The following PALM3 variants were observed in gnomAD, a reference collection of about 807,000 sequenced individuals.
PALM3 encodes the protein paralemmin 3, also known as paralemmin-3.
PALM3 carries 20 observed loss-of-function variants against 27.9 expected under a neutral mutation model. The ratio of observed to expected loss-of-function variants is 0.72; its 90% CI spans 0.50 to 1.04. PALM3 has a LOEUF of 1.04. PALM3 is among the 50% of genes least tolerant of loss of function. PALM3 has a pLI of 0.00. For synonymous variants in PALM3, 328 were observed against 352.7 expected (o/e 0.93, Z 0.79); for missense variants, 814 against 869.4 (o/e 0.94, Z 0.80).
rs1223957855 is a variant in PALM3, at chr19:14,053,889, TCTC to T, written c.1780_1782del (p.Glu594del). ...TCCTCCTCCAGGGCTCCTACTGGCTTCTCCTGGGGCTGGGGTCCTTCCTTCTCT... is the reference window on the plus strand; with the variant it reads ...TCCTCCTCCAGGGCTCCTACTGGCTTCTGGGGCTGGGGTCCTTCCTTCTCT... On this transcript the variant is annotated inframe_deletion, in exon 7 of 7. Transcript: ENST00000669674. 3.9e-6 allele frequency: 6 copies of T among 1,551,496 alleles called. No homozygotes were observed. Among genetic ancestry groups the T allele is most frequent in the Admixed American group, 3.9e-5 (2 of 50,960 alleles).
At position 14,055,058 on chromosome 19, in the gene PALM3, G is replaced by A. The variant is rs1976276722; in HGVS notation, c.614C>T (p.Pro205Leu). 1.9e-6 allele frequency: 3 copies of A among 1,549,960 alleles called. No homozygotes were observed. Among genetic ancestry groups the A allele is most frequent in the Non-Finnish European group, 2.6e-6 (3 of 1,145,700 alleles). Reference protein sequence around the residue: ...SSEANGPCPSPIPTPEQGLSQ... With the variant: ...SSEANGPCPSLIPTPEQGLSQ... ...TAGCCCCTGCTCTGGAGTGGGGATG[G>A]GGCTGGGGCATGGGCCATTGGCTTC... Residue 205 changes from proline to leucine, a missense_variant, in exon 7 of 7, where the codon CCC becomes CTC. Pro to Leu is a moderately conservative substitution (Grantham distance 98, BLOSUM62 -3). Transcript: ENST00000669674.
rs112043359 is a variant in PALM3, at chr19:14,054,235, C to T, written c.1437G>A (p.Leu479=). Residue 479 remains leucine (L), a synonymous_variant, in exon 7 of 7, where the codon TTG becomes TTA. Coordinates refer to ENST00000669674, the MANE Select transcript of PALM3 (RefSeq NM_001145028.2). The stretch of plus-strand genomic sequence containing the variant: ...CCTCATCTCCTTCCTTCTCTGCCCT[C>T]AAATGTCCCTCAACTTTTCTCTCTA... ...LGIERKVEGH[L]RAEKEGDEEK... The T allele has an allele frequency of 1.7e-5, 27 of 1,552,078 alleles. No individual in the cohort carries two copies. Among genetic ancestry groups the T allele is most frequent in the Middle Eastern group, 1.7e-4 (1 of 5,998 alleles).
At position 14,053,596 on chromosome 19, in the gene PALM3, G is replaced by A. The variant is rs1159399698; in HGVS notation, c.*9C>T. 8 of 1,450,642 alleles carry A rather than the reference G, an allele frequency of 5.5e-6. No homozygotes were observed. Among genetic ancestry groups the A allele is most frequent in the African/African-American group, 1.4e-5 (1 of 69,652 alleles). 89.9% of individuals were successfully genotyped at this position (1,450,642 alleles called of 1,614,324 possible). ...AGAGGAGCTGGACATGGGGTGGAGG[G>A]GCATGGGTTCACATGACCGCACAAC... is the stretch of plus-strand genomic sequence containing the variant. On this transcript the variant is annotated 3_prime_UTR_variant, in exon 7 of 7. Coordinates refer to ENST00000669674, the MANE Select transcript of PALM3 (RefSeq NM_001145028.2).
Position 14,055,370 on chromosome 19 carries a change from CCA to C in PALM3, c.445+8_445+9del. On this transcript the variant is annotated splice_region_variant and intron_variant, in intron 6 of 6. Coordinates refer to ENST00000669674, the MANE Select transcript of PALM3 (RefSeq NM_001145028.2). ...ACCTGACCCCCAGACCTAGGGGCTC[CCA>C]CACTTACCTACAGAACCTGCCTCGA... 1 of 1,549,968 alleles carries C rather than the reference CCA, an allele frequency of 6.5e-7. No individual in the cohort carries two copies. Among genetic ancestry groups the C allele is most frequent in the South Asian group, 1.2e-5 (1 of 84,044 alleles).
intron 2 of PALM3, among the ~76,000 whole-genome samples, chr19:14,058,372 G>A (rs1040030458): frequency 2.0e-5 from 3 of 149,944 alleles, no homozygotes; most frequent in Non-Finnish European, 4.4e-5. Flanking sequence ...GCAGGGAGAT[G>A]GGGTTCCATA....
rs534547978 is a variant in PALM3, at chr19:14,055,000, C to A, written c.672G>T (p.Val224=). The change falls in exon 7 of 7, where the codon GTG becomes GTT. Residue 224 remains valine (V), a synonymous_variant. Coordinates refer to ENST00000669674, the MANE Select transcript of PALM3 (RefSeq NM_001145028.2). ...SQRAVPSEGR[V]GEAKGGGVVS... Reference sequence around the variant, plus strand: ...CCACGCCCCCTCCTTTGGCCTCACCCACCCGCCCTTCGGATGGCACTGCCC... The same window carrying A: ...CCACGCCCCCTCCTTTGGCCTCACCAACCCGCCCTTCGGATGGCACTGCCC... The A allele has an allele frequency of 6.5e-7, 1 of 1,548,688 alleles. No individual in the cohort carries two copies. Among genetic ancestry groups the A allele is most frequent in the Non-Finnish European group, 8.7e-7 (1 of 1,145,422 alleles).
rs1568505886 is a variant in PALM3, at chr19:14,053,880, C to T, written c.1792G>A (p.Gly598Arg). The change falls in exon 7 of 7, where the codon GGA becomes AGA. Residue 598 changes from glycine (G) to arginine (R), a missense_variant. Gly to Arg is a moderately radical substitution (Grantham distance 125). Coordinates refer to ENST00000669674, the MANE Select transcript of PALM3 (RefSeq NM_001145028.2). ...EGPQPQEKPVGALEEEGVKPQ... is the reference protein window; with the variant it reads ...EGPQPQEKPVRALEEEGVKPQ... ...TTCACTCCTTCCTCCTCCAGGGCTC[C>T]TACTGGCTTCTCCTGGGGCTGGGGT... is the stretch of plus-strand genomic sequence containing the variant. 1.3e-6 allele frequency: 2 copies of T among 1,551,486 alleles called. No individual in the cohort carries two copies. Among genetic ancestry groups the T allele is most frequent in the Non-Finnish European group, 8.7e-7 (1 of 1,146,932 alleles).
chr19:14,054,265 C>T lies in PALM3; in HGVS notation c.1407G>A (p.Leu469=), dbSNP rs371163311. 2 of 1,552,164 alleles carry T rather than the reference C, an allele frequency of 1.3e-6. No individual in the cohort carries two copies. The highest frequency in any genetic ancestry group is 2.4e-5 in the South Asian group (2 of 84,050). Residue 469 remains leucine, a synonymous_variant, in exon 7 of 7, where the codon CTG becomes CTA. Coordinates refer to ENST00000669674, the MANE Select transcript of PALM3 (RefSeq NM_001145028.2). ...GTEREGGEEP[L]GIERKVEGHL... is the part of the protein sequence containing the mutation. ...GTCCCTCAACTTTTCTCTCTATGCC[C>T]AGTGGTTCCTCACCTCCTTCCCTCT...
At chr19:14,061,215 T>C (rs1206164620) in intron 1 of PALM3, among the ~76,000 whole-genome samples, 2 of 152,164 alleles carry the variant, frequency 1.3e-5, no homozygotes, top group Non-Finnish European at 2.9e-5. Context: ...CGGGTTCCCA[T>C]TGCTAAGCAA....
In PALM3 at chr19:14,056,736, G is replaced by A. The variant is rs920601123; in HGVS notation, c.240C>T (p.Pro80=). The A allele has an allele frequency of 6.4e-7, 1 of 1,551,692 alleles. No individual in the cohort carries two copies. The highest frequency in any genetic ancestry group is 2.0e-5 in the Admixed American group (1 of 50,992). ...CGGGTGACTGGGGGTCCTTCGAGGT[G>A]GGGTCTTCGGATGGCTCTGGCACTG... ...AAAVPEPSED[P]TSKDPQSPEG... The change falls in exon 4 of 7, where the codon CCC becomes CCT. Residue 80 remains proline, a synonymous_variant. Transcript: ENST00000669674.
intron 4 of PALM3, 71 bp from the exon 5 acceptor site, chr19:14,056,584 C>T: frequency 6.4e-7 from 1 of 1,550,804 alleles, no homozygotes; most frequent in Non-Finnish European, 8.7e-7. Flanking sequence ...AAGCGACCAC[C>T]TCCTTGGAAT....
Position 14,056,493 on chromosome 19 carries a change from A to G in PALM3, c.335T>C (p.Leu112Pro). The stretch of plus-strand genomic sequence containing the variant: ...GGCACCTGTGGAAGCACTTTGCAAC[A>G]GTTGCAGCTGGGACTGGAGTCTGAA... ...SLFTLQSQLQLLQSASTGAQH... is the reference protein window; with the variant it reads ...SLFTLQSQLQPLQSASTGAQH... The change falls in exon 5 of 7, where the codon CTG (leucine) becomes CCG (proline). Residue 112 changes from leucine (L) to proline (P), a missense_variant. Coordinates refer to ENST00000669674, the MANE Select transcript of PALM3 (RefSeq NM_001145028.2). 1 of 1,551,600 alleles carries G rather than the reference A, an allele frequency of 6.4e-7. No individual in the cohort carries two copies. Among genetic ancestry groups the G allele is most frequent in the East Asian group, 2.4e-5 (1 of 40,904 alleles).
In PALM3 at chr19:14,053,950, C is replaced by G; in HGVS notation, c.1722G>C (p.Gly574=). 1 of 1,551,668 alleles carries G rather than the reference C, an allele frequency of 6.4e-7. No individual in the cohort carries two copies. Among genetic ancestry groups the G allele is most frequent in the Non-Finnish European group, 8.7e-7 (1 of 1,146,932 alleles). ...TCTCCGTGTTAGCCTCAAGGGGAGG[C>G]CCTGCCTCATTCATCTCCTCTGCCT... The part of the protein sequence containing the change: ...ESQAEEMNEA[G]PPLEANTETR... The change falls in exon 7 of 7, where the codon GGG becomes GGC. Residue 574 remains glycine (G), a synonymous_variant. Coordinates refer to ENST00000669674, the MANE Select transcript of PALM3 (RefSeq NM_001145028.2).
chr19:14,056,629 G>A, intron 4 of PALM3, 33 bp downstream of exon 4: 2 of 1,551,770 alleles, frequency 1.3e-6, no homozygotes, highest in Non-Finnish European at 1.7e-6. Context: ...AGCTGGGGCA[G>A]GGTTCGGGCA....
chr19:14,060,047 C>G (rs961801702), intron 1 of PALM3, among the ~76,000 whole-genome samples: 4 of 152,132 alleles, frequency 2.6e-5, no homozygotes, highest in Non-Finnish European at 5.9e-5. Flanking sequence ...CTTATCAACA[C>G]AGACATGCAT....
intron 2 of PALM3, 31 bp downstream of exon 2, chr19:14,059,084 G>A: frequency 6.9e-7 from 1 of 1,451,232 alleles, no homozygotes; most frequent in Non-Finnish European, 9.1e-7. Context: ...AAGTTTGGGG[G>A]TGCCCAGGGC....
chr19:14,056,733 G>A lies in PALM3; in HGVS notation c.243C>T (p.Thr81=), dbSNP rs1339200143. The change falls in exon 4 of 7, where the codon ACC becomes ACT. Residue 81 remains threonine (T), a synonymous_variant. Coordinates refer to ENST00000669674, the MANE Select transcript of PALM3 (RefSeq NM_001145028.2). ...CCTCGGGTGACTGGGGGTCCTTCGAGGTGGGGTCTTCGGATGGCTCTGGCA... is the reference window on the plus strand; with the variant it reads ...CCTCGGGTGACTGGGGGTCCTTCGAAGTGGGGTCTTCGGATGGCTCTGGCA... ...AAVPEPSEDP[T]SKDPQSPEGQ... is the part of the protein sequence containing the mutation. 6.4e-7 allele frequency: 1 copy of A among 1,551,760 alleles called. No homozygotes were observed. The highest frequency in any genetic ancestry group is 1.2e-5 in the South Asian group (1 of 84,070).
rs1976305181 is a variant in PALM3, at chr19:14,056,415, G to A, written c.399+14C>T. ...CCATGCCCTCCCATCCCACTCCCCT[G>A]ATTCCCCCCTCACCTGTCTGCGCCA... On this transcript the variant is annotated intron_variant, in intron 5 of 6. Transcript: ENST00000669674. 1 of 1,544,758 alleles carries A rather than the reference G, an allele frequency of 6.5e-7. No individual in the cohort carries two copies. Among genetic ancestry groups the A allele is most frequent in the South Asian group, 1.2e-5 (1 of 83,882 alleles).
At chr19:14,058,152 C>T (rs952122190) in intron 2 of PALM3, among the ~76,000 whole-genome samples, 1 of 150,004 alleles carries the variant, frequency 6.7e-6, no homozygotes, top group African/African-American at 2.5e-5. Flanking sequence ...GATGGGGGTC[C>T]GAAATGGGGA....
Sources: allele counts gnomAD v4.1 joint callset (sites outside exome capture counted in the v4.1 genomes callset), GRCh38; gene constraint gnomAD v4.1.1; transcripts MANE v1.5; gene names NCBI Gene and HGNC (gene_info 2026-07-23, HGNC 2026-07-21).